The following STXBP5L variants were observed in gnomAD, a reference collection of about 807,000 sequenced individuals.
STXBP5L encodes syntaxin-binding protein 5-like.
In STXBP5L, 65 loss-of-function variants were observed where a neutral mutation model predicts 144.5. The ratio of observed to expected loss-of-function variants is 0.45; its 90% CI spans 0.37 to 0.55. STXBP5L has a LOEUF of 0.55. STXBP5L is among the 20% of genes least tolerant of loss of function. The pLI is 0.00. For synonymous variants in STXBP5L, 505 were observed against 469.6 expected (o/e 1.08, Z -0.97); for missense variants, 1,298 against 1,405.5 (o/e 0.92, Z 1.22).
chr3:121,282,545 T>C (rs1455983507), intron 19 of STXBP5L, among the ~76,000 whole-genome samples: 4 of 152,036 alleles, frequency 2.6e-5, no homozygotes, highest in Non-Finnish European at 4.4e-5. Context: ...CATTCAATCA[T>C]ACCCATTGTT....
chr3:120,960,472 T>A (rs958379943), intron 3 of STXBP5L, among the ~76,000 whole-genome samples: 3 of 152,162 alleles, frequency 2.0e-5, no homozygotes, highest in East Asian at 3.9e-4. Flanking sequence ...ATGTTTATTG[T>A]GGCACTATTC....
At chr3:121,344,932 T>G (rs981698813) in intron 20 of STXBP5L, among the ~76,000 whole-genome samples, 1 of 150,052 alleles carries the variant, frequency 6.7e-6, no homozygotes, top group Non-Finnish European at 1.5e-5. Flanking sequence ...GTATATAAGA[T>G]TATAAGATCT....
rs1285152747 is a variant in STXBP5L, at chr3:121,355,984, C to T, written c.2177-22732C>T. Among the ~76,000 whole-genome samples, 4 of 152,230 alleles carry T rather than the reference C, an allele frequency of 2.6e-5. No homozygotes were observed. The East Asian group carries it at 7.7e-4, about 29-fold the overall frequency. On this transcript the variant is annotated intron_variant, in intron 20 of 26. Coordinates refer to ENST00000471454, the MANE Select transcript of STXBP5L (RefSeq NM_001308330.2). ...TCTGTTGGAGTTTGCTGGAGGCCCA[C>T]TCGAGACCCTGTTTGCCTGGGTATC...
rs2047394219 is a variant in STXBP5L, at chr3:121,423,347, A to T, written c.*4250A>T. The T allele has an allele frequency of 6.6e-6, 1 of 152,258 alleles. No homozygotes were observed. The highest frequency in any genetic ancestry group is 1.5e-5 in the Non-Finnish European group (1 of 68,052). The allele number at this position is 152,258 out of a possible 1,614,324, so 9.4% of individuals were successfully genotyped here. On this transcript the variant is annotated 3_prime_UTR_variant, in exon 27 of 27. Coordinates refer to ENST00000471454, the MANE Select transcript of STXBP5L (RefSeq NM_001308330.2). ...CCTCTAGTATGCACCATTCCAGGGA[A>T]CATGGTTGTCAACATAACAAGTTTA... is the stretch of plus-strand genomic sequence containing the variant.
chr3:120,975,939 T>G (rs543867878), intron 3 of STXBP5L, among the ~76,000 whole-genome samples: 27 of 151,076 alleles, frequency 1.8e-4, no homozygotes, highest in East Asian at 5.9e-4. Flanking sequence ...TGCTGGATTC[T>G]GTTTGCCAGT....
At chr3:121,016,164 A>G (rs1210166933) in intron 3 of STXBP5L, among the ~76,000 whole-genome samples, 1 of 152,186 alleles carries the variant, frequency 6.6e-6, no homozygotes, top group Non-Finnish European at 1.5e-5. Flanking sequence ...GTTCCTATTA[A>G]TCAATACAAA....
chr3:121,116,618 C>G (rs1457643582), intron 6 of STXBP5L, among the ~76,000 whole-genome samples: 1 of 151,994 alleles, frequency 6.6e-6, no homozygotes, highest in Non-Finnish European at 1.5e-5. Context: ...TATTGACTTA[C>G]AACTTTCATT....
At chr3:121,249,157 T>TG (rs1343009951) in intron 14 of STXBP5L, among the ~76,000 whole-genome samples, 5 of 152,264 alleles carry the variant, frequency 3.3e-5, no homozygotes, top group African/African-American at 1.2e-4. Context: ...AGTTTTTTTT[T>TG]CTACTTCTGT....
intron 18 of STXBP5L, among the ~76,000 whole-genome samples, chr3:121,260,187 A>G (rs536487846): frequency 6.6e-6 from 1 of 152,094 alleles, no homozygotes; most frequent in East Asian, 1.9e-4. Context: ...AAATTTTTGT[A>G]TATCTTAAGT....
rs1174493274 is a variant in STXBP5L at position 121,063,712 on chromosome 3, G to A, written c.470+18177G>A. ...GCCCAGCAAGGAGGAATTTAGAGAGGAGGTCTGGCTATAGCACCTTTGTGG... is the reference window on the plus strand; with the variant it reads ...GCCCAGCAAGGAGGAATTTAGAGAGAAGGTCTGGCTATAGCACCTTTGTGG... On this transcript the variant is annotated intron_variant, in intron 5 of 26. Coordinates refer to ENST00000471454, the MANE Select transcript of STXBP5L (RefSeq NM_001308330.2). Among the ~76,000 whole-genome samples the A allele has an allele frequency of 2.6e-5, 4 of 152,176 alleles. 1 individual carries two copies. The South Asian group carries it at 8.3e-4, about 32-fold the overall frequency.
At chr3:120,945,905 C>A (rs149191533) in intron 2 of STXBP5L, among the ~76,000 whole-genome samples, 2 of 151,692 alleles carry the variant, frequency 1.3e-5, no homozygotes, top group African/African-American at 4.8e-5. Context: ...AAGCATGAAC[C>A]CTTCATGCTT....
At chr3:121,397,397 T>G (rs1419871684) in intron 22 of STXBP5L, among the ~76,000 whole-genome samples, 1 of 152,232 alleles carries the variant, frequency 6.6e-6, no homozygotes, top group African/African-American at 2.4e-5. Flanking sequence ...GGCGAAAATG[T>G]TGGAGCTATG....
chr3:121,157,412 T>A, intron 8 of STXBP5L, 92 bp from the exon 9 acceptor site: 1 of 1,292,524 alleles, frequency 7.7e-7, no homozygotes, highest in Non-Finnish European at 1.0e-6. Context: ...GTATAATAAT[T>A]TTATATCAGA....
intron 3 of STXBP5L, among the ~76,000 whole-genome samples, chr3:120,961,655 T>G (rs1309666803): frequency 6.6e-6 from 1 of 152,252 alleles, no homozygotes; most frequent in Non-Finnish European, 1.5e-5. Context: ...TGCCATATTT[T>G]CTTAATCCAG....
chr3:120,928,820 T>C (rs541470023), intron 2 of STXBP5L, among the ~76,000 whole-genome samples: 1 of 152,218 alleles, frequency 6.6e-6, no homozygotes, highest in Admixed American at 6.5e-5. Flanking sequence ...AGGCAATGAT[T>C]ATTGATTTTT....
chr3:121,028,432 G>A (rs1351718528), intron 3 of STXBP5L, among the ~76,000 whole-genome samples: 2 of 152,004 alleles, frequency 1.3e-5, no homozygotes, highest in Non-Finnish European at 2.9e-5. Flanking sequence ...AAATTTTTAT[G>A]TAGGTCTTCT....
chr3:121,180,744 C>T (rs781579790), intron 9 of STXBP5L, among the ~76,000 whole-genome samples: 4 of 152,108 alleles, frequency 2.6e-5, no homozygotes, highest in Non-Finnish European at 4.4e-5. Flanking sequence ...CATGGTAGCT[C>T]ATGCCTGTAA....
rs189465493 is a variant in STXBP5L at position 121,276,351 on chromosome 3, G to A, written c.1959-3454G>A. ...AATTTACTTCCATATGTTATAAACCGCATAATACATTGTTATTAATTTTAC... is the reference window on the plus strand; with the variant it reads ...AATTTACTTCCATATGTTATAAACCACATAATACATTGTTATTAATTTTAC... On this transcript the variant is annotated intron_variant, in intron 18 of 26. Coordinates refer to ENST00000471454, the MANE Select transcript of STXBP5L (RefSeq NM_001308330.2). 1.1e-3 allele frequency among the ~76,000 whole-genome samples: 173 copies of A among 151,676 alleles called. No individual in the cohort carries two copies. The East Asian group carries it at 0.018, about 16-fold the overall frequency.
intron 2 of STXBP5L, among the ~76,000 whole-genome samples, chr3:120,946,408 G>A (rs1292807550): frequency 6.6e-6 from 1 of 151,630 alleles, no homozygotes; most frequent in African/African-American, 2.4e-5. Flanking sequence ...CAGAAGGTAA[G>A]AAAAATAGAA....
Sources: allele counts gnomAD v4.1 joint callset (sites outside exome capture counted in the v4.1 genomes callset), GRCh38; gene constraint gnomAD v4.1.1; transcripts MANE v1.5; gene names NCBI Gene and HGNC (gene_info 2026-07-23, HGNC 2026-07-21).